SPATA6: variants seen among roughly 807,000 people sequenced by gnomAD.
The protein encoded by SPATA6 is spermatogenesis associated 6.
A neutral mutation model predicts 65.3 loss-of-function variants in SPATA6; 56 were observed. That is an observed-to-expected ratio of 0.86 (90% confidence interval 0.69 to 1.07). The LOEUF (loss-of-function observed/expected upper bound fraction) is 1.07. SPATA6 is among the 50% of genes least tolerant of loss of function. The pLI, the probability that SPATA6 is intolerant of heterozygous loss-of-function variation, is 0.00. For missense variants in SPATA6, 590 were observed against 594.8 expected (o/e 0.99, Z 0.08); for synonymous variants, 199 against 213.2 (o/e 0.93, Z 0.58).
chr1:48,467,582 G>A (rs1392900259), intron 1 of SPATA6, among the ~76,000 whole-genome samples: 1 of 151,964 alleles, frequency 6.6e-6, no homozygotes, highest in African/African-American at 2.4e-5. Flanking sequence ...ATCAACAAGA[G>A]AATGGATAGC....
chr1:48,358,478 G>A (rs2148814233), intron 10 of SPATA6, among the ~76,000 whole-genome samples: 1 of 151,896 alleles, frequency 6.6e-6, no homozygotes, highest in East Asian at 1.9e-4. Context: ...AAAACTTACA[G>A]AGATGACAAA....
Position 48,298,224 on chromosome 1 carries a change from T to C in SPATA6, c.*489A>G, listed in dbSNP as rs1371339158. ...TTCTGAAAAAGGAAAAAGTAGAAAA[T>C]GTTAGTGAAAACAGGGTTTAAACCC... is the stretch of plus-strand genomic sequence containing the variant. On this transcript the variant is annotated 3_prime_UTR_variant, in exon 13 of 13. Transcript: ENST00000371847. The C allele has an allele frequency of 6.6e-6, 1 of 152,046 alleles. No homozygotes were observed. Among genetic ancestry groups the C allele is most frequent in the Non-Finnish European group, 1.5e-5 (1 of 68,016 alleles). 9.4% of individuals were successfully genotyped at this position (152,046 alleles called of 1,614,324 possible). A position where few individuals can be genotyped will look rare whatever the true frequency, so the allele number is the denominator to read the frequency against.
At chr1:48,278,342 G>C in the SPATA6 span, among the ~76,000 whole-genome samples, 1 of 152,228 alleles carries the variant, frequency 6.6e-6, no homozygotes, top group Non-Finnish European at 1.5e-5. Flanking sequence ...GAATGACTTT[G>C]ATGAGTTGAG....
At chr1:48,368,552 C>G (rs1647113590) in intron 9 of SPATA6, among the ~76,000 whole-genome samples, 1 of 152,198 alleles carries the variant, frequency 6.6e-6, no homozygotes, top group African/African-American at 2.4e-5. Context: ...ATTTCATCTT[C>G]CATCACTGAT....
chr1:48,437,077 C>A, intron 3 of SPATA6: 1 of 1,599,172 alleles, frequency 6.3e-7, no homozygotes, highest in Non-Finnish European at 8.6e-7. Context: ...TTTCTTCAAA[C>A]AGATGAAAGA....
chr1:48,388,921 T>C (rs1445853420), intron 8 of SPATA6, among the ~76,000 whole-genome samples: 3 of 152,078 alleles, frequency 2.0e-5, no homozygotes, highest in African/African-American at 7.2e-5. Flanking sequence ...GTTTCGCTCT[T>C]CTTGCCCAGG....
At chr1:48,346,332 T>C (rs1452341775) in intron 11 of SPATA6, among the ~76,000 whole-genome samples, 1 of 152,070 alleles carries the variant, frequency 6.6e-6, no homozygotes, top group East Asian at 1.9e-4. Flanking sequence ...TAACTCAAAA[T>C]AATAAAAGCC....
chr1:48,312,742 C>T lies in SPATA6; in HGVS notation c.1195-6864G>A, dbSNP rs187583778. 1.8e-3 allele frequency among the ~76,000 whole-genome samples: 267 copies of T among 152,138 alleles called. 1 individual carries two copies. Among genetic ancestry groups the T allele is most frequent in the African/African-American group, 5.8e-3 (240 of 41,508 alleles). ...GAGAAGAAGGCTTCAGATGATCAAA[C>T]GACTCCAAGCTAAAGGAGGAAGTTA... On this transcript the variant is annotated intron_variant, in intron 11 of 12. Transcript: ENST00000371847.
intron 9 of SPATA6, among the ~76,000 whole-genome samples, chr1:48,374,486 A>G (rs1386875054): frequency 6.6e-6 from 1 of 152,182 alleles, no homozygotes; most frequent in African/African-American, 2.4e-5. Flanking sequence ...ACTAAGACCT[A>G]CCTACTACAA....
intron 3 of SPATA6, among the ~76,000 whole-genome samples, chr1:48,429,031 T>C (rs1654155579): frequency 6.6e-6 from 1 of 151,464 alleles, no homozygotes; most frequent in South Asian, 2.1e-4. Flanking sequence ...CAATTTCAGC[T>C]CTTAGTACAA....
intron 3 of SPATA6, among the ~76,000 whole-genome samples, chr1:48,423,564 C>CT (rs781669150): frequency 0.14 from 17,356 of 121,110 alleles, 1,660 homozygotes; most frequent in African/African-American, 0.21. Context: ...TTCTTTCTTT[C>CT]TTTTTTTTTT....
chr1:48,441,609 C>A (rs897585031), intron 3 of SPATA6, among the ~76,000 whole-genome samples: 4 of 151,480 alleles, frequency 2.6e-5, no homozygotes, highest in African/African-American at 9.7e-5. Flanking sequence ...AGCTCCAGCC[C>A]TAAGCCTTCC....
chr1:48,410,289 C>G (rs773944477), intron 5 of SPATA6, among the ~76,000 whole-genome samples: 54 of 152,170 alleles, frequency 3.5e-4, no homozygotes, highest in Non-Finnish European at 6.9e-4. Context: ...TATTCCAGTT[C>G]CCAACAAATT....
At chr1:48,290,943 C>G (rs1644763098), downstream of SPATA6, among the ~76,000 whole-genome samples, 1 of 152,082 alleles carries the variant, frequency 6.6e-6, no homozygotes, top group South Asian at 2.1e-4. Flanking sequence ...ATCAACGAGA[C>G]AGAAAGTTAA....
chr1:48,311,752 A>C (rs1377811177), intron 11 of SPATA6, among the ~76,000 whole-genome samples: 1 of 152,180 alleles, frequency 6.6e-6, no homozygotes, highest in Non-Finnish European at 1.5e-5. Context: ...ACCGAGCGTG[A>C]GCCGAAGCAG....
At chr1:48,276,966 T>G in the SPATA6 span, among the ~76,000 whole-genome samples, 1 of 152,148 alleles carries the variant, frequency 6.6e-6, no homozygotes, top group East Asian at 1.9e-4. Context: ...AGTCTAATTC[T>G]CTTTGTAGGT....
chr1:48,411,019 G>T (rs532313911), intron 5 of SPATA6, among the ~76,000 whole-genome samples: 52 of 152,168 alleles, frequency 3.4e-4, no homozygotes, highest in Middle Eastern at 3.4e-3. Context: ...TTTTAACTTG[G>T]ATTTCTCTGA....
At chr1:48,277,317 G>A in the SPATA6 span, among the ~76,000 whole-genome samples, 1 of 152,164 alleles carries the variant, frequency 6.6e-6, no homozygotes, top group Non-Finnish European at 1.5e-5. Context: ...GGGAGTGCCA[G>A]ACAGTGGGTG....
chr1:48,309,822 A>G (rs1645155489), intron 11 of SPATA6, among the ~76,000 whole-genome samples: 2 of 152,186 alleles, frequency 1.3e-5, no homozygotes, highest in South Asian at 4.1e-4. Flanking sequence ...TTGGACAGAC[A>G]TTTCTATAAA....
Sources: allele counts gnomAD v4.1 joint callset (sites outside exome capture counted in the v4.1 genomes callset), GRCh38; gene constraint gnomAD v4.1.1; transcripts MANE v1.5; gene names NCBI Gene and HGNC (gene_info 2026-07-23, HGNC 2026-07-21).